The following NRXN1 variants were observed in gnomAD, a reference collection of about 807,000 sequenced individuals.
NRXN1 encodes the protein neurexin 1, also known as neurexin-1.
NRXN1 carries 39 observed loss-of-function variants against 150.9 expected under a neutral mutation model. That is an observed-to-expected ratio of 0.26 (90% CI 0.20 to 0.34). The LOEUF is 0.34. Among genes scored for constraint, NRXN1 ranks in the 10% least tolerant of loss-of-function variants. NRXN1 has a pLI of 1.00. For synonymous variants in NRXN1, 924 were observed against 757.0 expected (o/e 1.22, Z -3.62); for missense variants, 1,815 against 1,949.9 (o/e 0.93, Z 1.30).
intron 4 of NRXN1, 22 bp downstream of exon 4, chr2:50,922,636 G>T: frequency 1.2e-6 from 2 of 1,608,670 alleles, no homozygotes; most frequent in Non-Finnish European, 1.7e-6. Context: ...AAAGCAGAGT[G>T]GAAAAGGAAC....
intron 5 of NRXN1, among the ~76,000 whole-genome samples, chr2:50,852,825 T>C (rs1674707270): frequency 6.6e-6 from 1 of 152,176 alleles, no homozygotes; most frequent in South Asian, 2.1e-4. Context: ...AATGTTCATC[T>C]GAATATCACC....
At chr2:51,006,715 T>A (rs988555903) in intron 2 of NRXN1, among the ~76,000 whole-genome samples, 3 of 151,970 alleles carry the variant, frequency 2.0e-5, no homozygotes, top group Non-Finnish European at 4.4e-5. Flanking sequence ...TTAACCACTT[T>A]TCAACATCTT....
At chr2:50,596,291 CA>C (rs1675185274) in intron 8 of NRXN1, among the ~76,000 whole-genome samples, 1 of 85,086 alleles carries the variant, frequency 1.2e-5, no homozygotes. Context: ...TACCTTTTCT[CA>C]GATCGTTGTC....
intron 22 of NRXN1, among the ~76,000 whole-genome samples, chr2:49,940,204 G>A (rs1332187383): frequency 6.6e-6 from 1 of 152,106 alleles, no homozygotes; most frequent in African/African-American, 2.4e-5. Flanking sequence ...AGGTAATGGT[G>A]CATCTCCTTA....
chr2:50,755,722 T>C (rs181056807), intron 5 of NRXN1, among the ~76,000 whole-genome samples: 109 of 151,938 alleles, frequency 7.2e-4, no homozygotes, highest in African/African-American at 2.5e-3. Flanking sequence ...TGGATCACAC[T>C]TTACATTTAA....
chr2:50,346,257 G>A lies in NRXN1; in HGVS notation c.3365-109287C>T, dbSNP rs1425462125. ...CCGCCCCCCGGGGCCAGGGAAGATG[G>A]GCAGGAGGTGGGGCAGCATATACAG... On this transcript the variant is annotated intron_variant, in intron 17 of 22. Coordinates refer to ENST00000401669, the MANE Select transcript of NRXN1 (RefSeq NM_001330078.2). This position sits in a 1 kb window ranked among gnomAD's most constrained non-coding sequence, Gnocchi z 5.0. 2.0e-5 allele frequency among the ~76,000 whole-genome samples: 3 copies of A among 152,166 alleles called. No individual in the cohort carries two copies. Among genetic ancestry groups the A allele is most frequent in the Non-Finnish European group, 4.4e-5 (3 of 68,020 alleles).
chr2:50,686,802 C>A (rs778470253), intron 5 of NRXN1, among the ~76,000 whole-genome samples: 1 of 152,068 alleles, frequency 6.6e-6, no homozygotes, highest in Non-Finnish European at 1.5e-5. Flanking sequence ...TGGAAATGCA[C>A]GGTGATGGGT....
chr2:50,533,781 C>G (rs1420808796), intron 10 of NRXN1, among the ~76,000 whole-genome samples: 1 of 152,262 alleles, frequency 6.6e-6, no homozygotes, highest in East Asian at 1.9e-4. Context: ...AGTGTTTGCA[C>G]TTTTAGATCC....
intron 2 of NRXN1, among the ~76,000 whole-genome samples, chr2:50,976,020 T>C (rs939817792): frequency 2.0e-5 from 3 of 152,020 alleles, no homozygotes; most frequent in African/African-American, 7.2e-5. Flanking sequence ...TGTCCCAGTG[T>C]CCCCTTGACT....
At chr2:50,006,003 G>A (rs1558677391) in intron 21 of NRXN1, among the ~76,000 whole-genome samples, 1 of 152,088 alleles carries the variant, frequency 6.6e-6, no homozygotes, top group African/African-American at 2.4e-5. Flanking sequence ...CTCATGCAGA[G>A]AATGCATGTT....
chr2:50,082,547 T>A (rs1266175911), intron 19 of NRXN1, among the ~76,000 whole-genome samples: 1 of 152,228 alleles, frequency 6.6e-6, no homozygotes, highest in Non-Finnish European at 1.5e-5. Context: ...GATGGGTTGG[T>A]TTCTAAGTAA....
Position 50,373,626 on chromosome 2 carries a change from A to AAAAGAAAGAAAG in NRXN1, c.3364+91804_3364+91815dup, listed in dbSNP as rs202127677. ...GAGAAAGAAAGAGAGAGAGAGAAAG[A>AAAAGAAAGAAAG]AAAGAAAGAAAGAAAGAAAGAAAGA... is the stretch of plus-strand genomic sequence containing the variant. On this transcript the variant is annotated intron_variant, in intron 17 of 22. Coordinates refer to ENST00000401669, the MANE Select transcript of NRXN1 (RefSeq NM_001330078.2). 3.3e-3 allele frequency among the ~76,000 whole-genome samples: 327 copies of AAAAGAAAGAAAG among 98,594 alleles called. 3 individuals carry two copies. Among genetic ancestry groups the AAAAGAAAGAAAG allele is most frequent in the East Asian group, 4.5e-3 (14 of 3,138 alleles). 64.7% of individuals were successfully genotyped at this position (98,594 alleles called of 152,430 possible). A position where few individuals can be genotyped will look rare whatever the true frequency, so the allele number is the denominator to read the frequency against.
chr2:50,095,115 G>A (rs1027052618), intron 18 of NRXN1, among the ~76,000 whole-genome samples: 9 of 152,116 alleles, frequency 5.9e-5, no homozygotes, highest in African/African-American at 2.2e-4. Flanking sequence ...GCAAGTGGGG[G>A]CTCCACTGTG....
At chr2:50,535,151 C>T (rs889781528) in intron 10 of NRXN1, among the ~76,000 whole-genome samples, 17 of 152,086 alleles carry the variant, frequency 1.1e-4, no homozygotes, top group Admixed American at 5.9e-4. Flanking sequence ...CTAGAGTTGC[C>T]AAATAAATGG....
At chr2:50,056,383 C>G (rs1264033153) in intron 19 of NRXN1, among the ~76,000 whole-genome samples, 1 of 152,048 alleles carries the variant, frequency 6.6e-6, no homozygotes. Context: ...ATCAATTTGT[C>G]ATCTGAATGT....
chr2:50,030,956 C>T (rs1228095530), intron 21 of NRXN1, among the ~76,000 whole-genome samples: 1 of 152,038 alleles, frequency 6.6e-6, no homozygotes, highest in African/African-American at 2.4e-5. Context: ...TACTTTCAGG[C>T]AGCTGAAGAC....
At chr2:50,250,720 G>C (rs981418789) in intron 17 of NRXN1, among the ~76,000 whole-genome samples, 1 of 151,680 alleles carries the variant, frequency 6.6e-6, no homozygotes, top group Admixed American at 6.6e-5. Flanking sequence ...TAAGTGTCTT[G>C]GTGATATTTT....
intron 9 of NRXN1, among the ~76,000 whole-genome samples, chr2:50,548,928 G>A (rs1018674512): frequency 1.3e-5 from 2 of 151,982 alleles, no homozygotes; most frequent in African/African-American, 4.8e-5. Context: ...GAGATAATAA[G>A]GCTTTTAAAA....
intron 5 of NRXN1, among the ~76,000 whole-genome samples, chr2:50,845,860 G>GA (rs925163954): frequency 2.2e-4 from 34 of 151,724 alleles, no homozygotes; most frequent in South Asian, 4.2e-4. Context: ...TTTTCTGAGG[G>GA]AAAAAAAACC....
Sources: allele counts gnomAD v4.1 joint callset (sites outside exome capture counted in the v4.1 genomes callset), GRCh38; gene constraint gnomAD v4.1.1; non-coding constraint Gnocchi (gnomAD v3.1); transcripts MANE v1.5; gene names NCBI Gene and HGNC (gene_info 2026-07-23, HGNC 2026-07-21).